ZFR: variants seen among roughly 807,000 people sequenced by gnomAD.
ZFR encodes zinc finger RNA-binding protein.
A neutral mutation model predicts 130.7 loss-of-function variants in ZFR; 19 were observed. The observed-to-expected ratio is 0.15, with a 90% CI of 0.10 to 0.21. The LOEUF is 0.21. ZFR is among the 10% of genes least tolerant of loss of function. The pLI is 1.00. For missense variants in ZFR, 872 were observed against 1,321.5 expected, an observed-to-expected ratio of 0.66 and a Z score of 5.27; for synonymous variants, 466 against 456.9, an observed-to-expected ratio of 1.02 and a Z score of -0.25.
chr5:32,401,354 T>C (rs946697454), intron 8 of ZFR, among the ~76,000 whole-genome samples: 1 of 152,220 alleles, frequency 6.6e-6, no homozygotes, highest in Admixed American at 6.5e-5. Flanking sequence ...AAGTATGGAC[T>C]GAATATTGCG....
intron 2 of ZFR, among the ~76,000 whole-genome samples, chr5:32,426,243 C>T (rs1384131581): frequency 1.3e-5 from 2 of 152,078 alleles, no homozygotes; most frequent in African/African-American, 4.8e-5. Flanking sequence ...CTACTCTCTA[C>T]AACATTTGTG....
intron 14 of ZFR, among the ~76,000 whole-genome samples, chr5:32,386,052 A>T (rs1753039833): frequency 6.6e-6 from 1 of 152,116 alleles, no homozygotes; most frequent in Non-Finnish European, 1.5e-5. Flanking sequence ...TACACATTTT[A>T]TCAGGGAGCA....
At chr5:32,359,663 A>G (rs1752387544) in intron 19 of ZFR, among the ~76,000 whole-genome samples, 1 of 152,202 alleles carries the variant, frequency 6.6e-6, no homozygotes, top group Non-Finnish European at 1.5e-5. Context: ...AGGAAAGAAA[A>G]TCCTTGACCG....
rs1362793740 is a variant in ZFR at position 32,417,748 on chromosome 5, A to G, written c.465T>C (p.Tyr155=). ...YVRSTAPAVA[Y]DSKQYYQQPT... is the part of the protein sequence containing the mutation. The stretch of plus-strand genomic sequence containing the variant: ...GTTGTTGGTAGTATTGCTTACTATC[A>G]TAAGCTACAGCAGGAGCTGTGGACC... The change falls in exon 4 of 20, where the codon TAT becomes TAC. Residue 155 remains tyrosine, a synonymous_variant. Transcript: ENST00000265069. The G allele has an allele frequency of 1.9e-6, 3 of 1,613,844 alleles. No homozygotes were observed. Among genetic ancestry groups the G allele is most frequent in the East Asian group, 2.2e-5 (1 of 44,896 alleles).
chr5:32,388,410 TAAG>T, intron 13 of ZFR, 56 bp downstream of exon 13: 1 of 1,498,038 alleles, frequency 6.7e-7, no homozygotes, highest in South Asian at 1.2e-5. Context: ...ATTTCAAATG[TAAG>T]AAGTCCACAT....
intron 5 of ZFR, among the ~76,000 whole-genome samples, chr5:32,412,638 C>T (rs1753736632): frequency 6.6e-6 from 1 of 152,126 alleles, no homozygotes; most frequent in Non-Finnish European, 1.5e-5. Flanking sequence ...CATAATGTTG[C>T]CATTGTGGCT....
At chr5:32,441,516 T>G (rs144455251) in intron 2 of ZFR, among the ~76,000 whole-genome samples, 112 of 135,804 alleles carry the variant, frequency 8.2e-4, no homozygotes, top group African/African-American at 2.7e-3. Flanking sequence ...CAAATTTGAT[T>G]GGAAAAAAAA....
intron 6 of ZFR, among the ~76,000 whole-genome samples, chr5:32,405,569 A>G (rs1753562834): frequency 6.6e-6 from 1 of 152,232 alleles, no homozygotes; most frequent in African/African-American, 2.4e-5. Flanking sequence ...CTTTCATATA[A>G]GCCAGGTAAT....
At chr5:32,408,724 GT>G (rs1753634509) in intron 5 of ZFR, among the ~76,000 whole-genome samples, 1 of 152,116 alleles carries the variant, frequency 6.6e-6, no homozygotes, top group Admixed American at 6.6e-5. Flanking sequence ...TAGAAATTTT[GT>G]TTTAAGCAAT....
intron 15 of ZFR, chr5:32,380,538 A>C (rs1363355039): frequency 6.1e-6 from 1 of 164,112 alleles, no homozygotes; most frequent in African/African-American, 2.4e-5. Context: ...CAGTACTCTA[A>C]ATGGTCGTAA....
intron 2 of ZFR, among the ~76,000 whole-genome samples, chr5:32,437,908 C>A (rs1364157107): frequency 1.3e-5 from 2 of 152,086 alleles, no homozygotes; most frequent in Non-Finnish European, 2.9e-5. Flanking sequence ...GCAAGACTTT[C>A]ATGATATTTT....
chr5:32,401,860 T>C (rs995305263), intron 8 of ZFR, among the ~76,000 whole-genome samples: 2 of 152,236 alleles, frequency 1.3e-5, no homozygotes, highest in East Asian at 1.9e-4. Flanking sequence ...AGAAATATTA[T>C]AGAGATAGAA....
chr5:32,399,909 T>C lies in ZFR; in HGVS notation c.1713+98A>G, dbSNP rs2963978. On this transcript the variant is annotated intron_variant, in intron 9 of 19. Transcript: ENST00000265069. ...TTCTTTAAGTAAGCTAAATCTAAAA[T>C]ACAATTAAGTATATTTAATTTTACA... The C allele has an allele frequency of 3.7e-6, 4 of 1,092,140 alleles. No individual in the cohort carries two copies. In the African/African-American group the frequency reaches 4.9e-5, roughly 13 times the overall value. 67.7% of individuals were successfully genotyped at this position (1,092,140 alleles called of 1,614,324 possible). A position where few individuals can be genotyped will look rare whatever the true frequency, so the allele number is the denominator to read the frequency against.
At chr5:32,436,839 G>C (rs1754347750) in intron 2 of ZFR, among the ~76,000 whole-genome samples, 1 of 152,160 alleles carries the variant, frequency 6.6e-6, no homozygotes, top group South Asian at 2.1e-4. Context: ...CTGGGATACT[G>C]ATAATGTTCT....
At chr5:32,410,334 C>T (rs910126277) in intron 5 of ZFR, among the ~76,000 whole-genome samples, 10 of 147,328 alleles carry the variant, frequency 6.8e-5, no homozygotes, top group South Asian at 4.3e-4. Flanking sequence ...CAAGGCCAGG[C>T]GTGGTGGCTC....
intron 2 of ZFR, among the ~76,000 whole-genome samples, chr5:32,422,878 G>A (rs1484905991): frequency 1.4e-5 from 2 of 147,168 alleles, no homozygotes; most frequent in Admixed American, 6.8e-5. Flanking sequence ...CTTTCCCTGA[G>A]GAGAAACAGG....
intron 19 of ZFR, among the ~76,000 whole-genome samples, chr5:32,356,464 G>A (rs13156770): frequency 0.22 from 32,774 of 152,066 alleles, 4,259 homozygotes; most frequent in African/African-American, 0.37. Context: ...CCAGGCTGGA[G>A]TGCAGTGGTG....
chr5:32,366,552 C>A (rs1363089956), intron 17 of ZFR, among the ~76,000 whole-genome samples: 1 of 152,166 alleles, frequency 6.6e-6, no homozygotes, highest in Non-Finnish European at 1.5e-5. Context: ...AACTAATCAA[C>A]TACCTCTGAC....
chr5:32,355,756 C>T lies in ZFR; in HGVS notation c.*4G>A. 3.2e-6 allele frequency: 5 copies of T among 1,571,590 alleles called. No homozygotes were observed. Among genetic ancestry groups the T allele is most frequent in the Non-Finnish European group, 4.3e-6 (5 of 1,163,290 alleles). On this transcript the variant is annotated 3_prime_UTR_variant, in exon 20 of 20. Coordinates refer to ENST00000265069, the MANE Select transcript of ZFR (RefSeq NM_016107.5). ...TTTTAACACTGAAGATTTACAGACACTTTTTAAAAGTTATCATAATCTTTT... is the reference window on the plus strand; with the variant it reads ...TTTTAACACTGAAGATTTACAGACATTTTTTAAAAGTTATCATAATCTTTT...
Sources: gnomAD v4.1 joint callset for allele counts (sites outside exome capture counted in the v4.1 genomes callset) on GRCh38, gnomAD v4.1.1 for gene constraint, MANE v1.5 for transcripts, NCBI Gene and HGNC (gene_info 2026-07-23, HGNC 2026-07-21) for gene names.